ZNF175: variants seen among roughly 807,000 people sequenced by gnomAD.
The protein encoded by ZNF175 is zinc finger protein 175, also known as zinc finger protein OTK18.
ZNF175 carries 8 observed loss-of-function variants against 14.0 expected under a neutral mutation model. The ratio of observed to expected loss-of-function variants is 0.57; its 90% CI spans 0.34 to 1.03. The LOEUF (loss-of-function observed/expected upper bound fraction) is 1.03. ZNF175 is among the 50% of genes least tolerant of loss of function. The probability of loss-of-function intolerance (pLI) is 0.03; values close to 1 mark genes in which losing one functional copy is unlikely to be tolerated. For missense variants in ZNF175, 764 were observed against 849.5 expected (o/e 0.90, Z 1.25); for synonymous variants, 255 against 296.8 (o/e 0.86, Z 1.45).
At position 51,586,688 on chromosome 19, in the gene ZNF175, G is replaced by T. The variant is rs1230352141; in HGVS notation, c.357G>T (p.Lys119Asn). ...TTTCTAAGAAAGCTTCATTTCAAAA[G>T]GATATGGTAGGTGAGTTCACAAGAG... ...KEISKKASFQ[K>N]DMVGEFTRDG... Residue 119 changes from lysine to asparagine, a missense_variant, in exon 5 of 5, where the codon AAG (lysine) becomes AAT (asparagine). Lys to Asn is a moderately conservative substitution (Grantham distance 94). Coordinates refer to ENST00000262259, the MANE Select transcript of ZNF175 (RefSeq NM_007147.4). 1 of 1,612,452 alleles carries T rather than the reference G, an allele frequency of 6.2e-7. No homozygotes were observed. Among genetic ancestry groups the T allele is most frequent in the South Asian group, 1.1e-5 (1 of 90,530 alleles).
chr19:51,588,097 G>T lies in ZNF175; in HGVS notation c.1766G>T (p.Cys589Phe). ...CACACGGGTGAGAAACCCTATGTGT[G>T]CACTGAATGTGGGAAGGCCTTCAAC... ...RIHTGEKPYV[C>F]TECGKAFNGR... The change falls in exon 5 of 5, where the codon TGC (cysteine) becomes TTC (phenylalanine). Residue 589 changes from cysteine to phenylalanine, a missense_variant. Physicochemically the swap from Cys to Phe is radical, Grantham distance 205. Coordinates refer to ENST00000262259, the MANE Select transcript of ZNF175 (RefSeq NM_007147.4). 6.2e-7 allele frequency: 1 copy of T among 1,614,248 alleles called. No homozygotes were observed. The highest frequency in any genetic ancestry group is 1.1e-5 in the South Asian group (1 of 91,082).
chr19:51,591,821 T>C lies in ZNF175; in HGVS notation c.*3354T>C, dbSNP rs1008275970. ...TCGCTCTGTCGCCCAGGCTCTGGAG[T>C]GCAGTGGCACGATCTCAGCTCACTG... is the stretch of plus-strand genomic sequence containing the variant. On this transcript the variant is annotated 3_prime_UTR_variant, in exon 5 of 5. Coordinates refer to ENST00000262259, the MANE Select transcript of ZNF175 (RefSeq NM_007147.4). 2 of 149,920 alleles carry C rather than the reference T, an allele frequency of 1.3e-5. No individual in the cohort carries two copies. Among genetic ancestry groups the C allele is most frequent in the African/African-American group, 4.9e-5 (2 of 40,434 alleles). The allele number at this position is 149,920 out of a possible 1,614,324, so 9.3% of individuals were successfully genotyped here.
At chr19:51,573,579 C>G (rs1981669556) in intron 2 of ZNF175, 178 bp downstream of exon 2, 1 of 605,790 alleles carries the variant, frequency 1.7e-6, no homozygotes, top group Non-Finnish European at 2.8e-6. Context: ...CATGAACTGG[C>G]TGATAAAAGA....
At chr19:51,582,589 A>G (rs967441332) in intron 4 of ZNF175, among the ~76,000 whole-genome samples, 1 of 151,848 alleles carries the variant, frequency 6.6e-6, no homozygotes, top group Non-Finnish European at 1.5e-5. Context: ...GAGCCACCGC[A>G]CCCAGCCTGT....
intron 2 of ZNF175, among the ~76,000 whole-genome samples, chr19:51,578,257 A>T (rs1445115110): frequency 6.6e-6 from 1 of 151,816 alleles, no homozygotes; most frequent in Non-Finnish European, 1.5e-5. Context: ...AAAATTAGCC[A>T]GGCATGGTGG....
At chr19:51,578,598 T>C (rs1485695686) in intron 2 of ZNF175, among the ~76,000 whole-genome samples, 1 of 152,040 alleles carries the variant, frequency 6.6e-6, no homozygotes, top group Non-Finnish European at 1.5e-5. Flanking sequence ...GGAGACCCCA[T>C]CTTTACAAAA....
Position 51,588,311 on chromosome 19 carries a change from G to A in ZNF175, c.1980G>A (p.Val660=). Residue 660 remains valine, a synonymous_variant, in exon 5 of 5, where the codon GTG becomes GTA. Transcript: ENST00000262259. ...TCAGTAAGAAACCACAACTCAAGGT[G>A]CATCAGCGAATTCACACGGGAGAAA... ...KSFSKKPQLK[V]HQRIHTGERP... 3 of 1,614,176 alleles carry A rather than the reference G, an allele frequency of 1.9e-6. No individual in the cohort carries two copies. Among genetic ancestry groups the A allele is most frequent in the Non-Finnish European group, 2.5e-6 (3 of 1,180,016 alleles).
chr19:51,589,884 A>C lies in ZNF175; in HGVS notation c.*1417A>C, dbSNP rs74622204. On this transcript the variant is annotated 3_prime_UTR_variant, in exon 5 of 5. Transcript: ENST00000262259. ...TTTGCCAGCACATGATACACACACA[A>C]ACACACACACATACACACATATTAC... is the stretch of plus-strand genomic sequence containing the variant. 4.2e-6 allele frequency: 2 copies of C among 475,224 alleles called. No homozygotes were observed. The highest frequency in any genetic ancestry group is 6.7e-5 in the East Asian group (2 of 29,772). 29.4% of individuals were successfully genotyped at this position (475,224 alleles called of 1,614,324 possible). A position where few individuals can be genotyped will look rare whatever the true frequency, so the allele number is the denominator to read the frequency against.
Position 51,587,159 on chromosome 19 carries a change from GA to G in ZNF175, c.831del (p.Lys277AsnfsTer27). On this transcript the variant is annotated frameshift_variant, in exon 5 of 5. Coordinates refer to ENST00000262259, the MANE Select transcript of ZNF175 (RefSeq NM_007147.4). LOFTEE classifies it low-confidence loss of function (END_TRUNC). ...LKQHQIHTQK[K>X]PDGCSECGGS... ...AGCAACATCAAATTCATACTCAGAA[GA>G]AACCAGATGGATGTTCTGAATGTGG... 6.2e-7 allele frequency: 1 copy of G among 1,614,184 alleles called. No individual in the cohort carries two copies. The highest frequency in any genetic ancestry group is 8.5e-7 in the Non-Finnish European group (1 of 1,180,012).
rs1364719835 is a variant in ZNF175, at chr19:51,581,847, T to C, written c.260T>C (p.Val87Ala). 6.2e-7 allele frequency: 1 copy of C among 1,613,858 alleles called. No individual in the cohort carries two copies. The highest frequency in any genetic ancestry group is 1.1e-5 in the South Asian group (1 of 91,046). The change falls in exon 4 of 5, where the codon GTG becomes GCG. Residue 87 changes from valine (V) to alanine (A), a missense_variant. Coordinates refer to ENST00000262259, the MANE Select transcript of ZNF175 (RefSeq NM_007147.4). The stretch of plus-strand genomic sequence containing the variant: ...ATGCTAAAAGAAAAGGAGCCGCGTG[T>C]GGAGGAGGCTGAAGTCTCACATCAG... ...FRMLKEKEPRVEEAEVSHQRC... is the reference protein window; with the variant it reads ...FRMLKEKEPRAEEAEVSHQRC...
At chr19:51,581,279 C>T (rs966293571) in intron 2 of ZNF175, 112 bp from the exon 3 acceptor site, 5 of 1,472,570 alleles carry the variant, frequency 3.4e-6, no homozygotes, top group Admixed American at 1.9e-5. Flanking sequence ...TGGTGGGAAG[C>T]CTCTGTGATG....
At chr19:51,581,189 T>C (rs1428809272) in intron 2 of ZNF175, among the ~76,000 whole-genome samples, 1 of 151,892 alleles carries the variant, frequency 6.6e-6, no homozygotes, top group African/African-American at 2.4e-5. Context: ...AAAAAATGAA[T>C]GAATGAATGT....
Position 51,590,225 on chromosome 19 carries a change from TC to T in ZNF175, c.*1759del, listed in dbSNP as rs1439390233. The T allele has an allele frequency of 6.6e-6, 1 of 152,582 alleles. No individual in the cohort carries two copies. Among genetic ancestry groups the T allele is most frequent in the African/African-American group, 2.4e-5 (1 of 41,458 alleles). 9.5% of individuals were successfully genotyped at this position (152,582 alleles called of 1,614,324 possible). On this transcript the variant is annotated 3_prime_UTR_variant, in exon 5 of 5. Coordinates refer to ENST00000262259, the MANE Select transcript of ZNF175 (RefSeq NM_007147.4). ...TCCTGCATTTGATTCCTGGCTCCAC[TC>T]TCTACCCTCTGCATCTGCTGAGCAA... is the stretch of plus-strand genomic sequence containing the variant.
chr19:51,579,512 G>C (rs1981927184), intron 2 of ZNF175, among the ~76,000 whole-genome samples: 1 of 152,042 alleles, frequency 6.6e-6, no homozygotes, highest in African/African-American at 2.4e-5. Context: ...GGTAAACATG[G>C]GAAGATGCTC....
In ZNF175 at chr19:51,586,519, T is replaced by G. The variant is rs1982166635; in HGVS notation, c.296-108T>G. On this transcript the variant is annotated intron_variant, in intron 4 of 4. Coordinates refer to ENST00000262259, the MANE Select transcript of ZNF175 (RefSeq NM_007147.4). ...CTCATTGTCAGCATCATTAGCAGCATTATTACATGACTCAGCAATTTCCTT... is the reference window on the plus strand; with the variant it reads ...CTCATTGTCAGCATCATTAGCAGCAGTATTACATGACTCAGCAATTTCCTT... The G allele has an allele frequency of 2.8e-6, 3 of 1,083,368 alleles. No homozygotes were observed. In the East Asian group the frequency reaches 7.6e-5, roughly 27 times the overall value. 67.1% of individuals were successfully genotyped at this position (1,083,368 alleles called of 1,614,324 possible). A position where few individuals can be genotyped will look rare whatever the true frequency, so the allele number is the denominator to read the frequency against.
Position 51,586,972 on chromosome 19 carries a change from A to G in ZNF175, c.641A>G (p.Gln214Arg). 1 of 1,614,242 alleles carries G rather than the reference A, an allele frequency of 6.2e-7. No homozygotes were observed. Among genetic ancestry groups the G allele is most frequent in the Non-Finnish European group, 8.5e-7 (1 of 1,180,030 alleles). ...AAGCTGAACCTAGAAGTGAACGGTC[A>G]GAATGAAAGCAATGACACAGAACAG... ...SLKLNLEVNG[Q>R]NESNDTEQLD... is the part of the protein sequence containing the mutation. Residue 214 changes from glutamine to arginine, a missense_variant, in exon 5 of 5, where the codon CAG (glutamine) becomes CGG (arginine). Coordinates refer to ENST00000262259, the MANE Select transcript of ZNF175 (RefSeq NM_007147.4).
At chr19:51,572,741 C>A (rs1374062867) in intron 1 of ZNF175, among the ~76,000 whole-genome samples, 3 of 152,170 alleles carry the variant, frequency 2.0e-5, no homozygotes, top group Non-Finnish European at 2.9e-5. Context: ...TTATCCTCAT[C>A]CTCAAAATGG....
At position 51,571,331 on chromosome 19, in the gene ZNF175, T is replaced by G. The variant is rs948413884; in HGVS notation, c.-325T>G. ...GTGGATCTAAGCCTATGTCGCTTAC[T>G]GGACGCTGAAGTGATTGGGAATATT... On this transcript the variant is annotated 5_prime_UTR_variant, in exon 1 of 5. Transcript: ENST00000262259. 2 of 149,176 alleles carry G rather than the reference T, an allele frequency of 1.3e-5. No homozygotes were observed. Among genetic ancestry groups the G allele is most frequent in the Non-Finnish European group, 3.0e-5 (2 of 67,780 alleles). 9.2% of individuals were successfully genotyped at this position (149,176 alleles called of 1,614,324 possible). A position where few individuals can be genotyped will look rare whatever the true frequency, so the allele number is the denominator to read the frequency against.
At chr19:51,583,285 C>A (rs1185015424) in intron 4 of ZNF175, among the ~76,000 whole-genome samples, 1 of 152,138 alleles carries the variant, frequency 6.6e-6, no homozygotes, top group Non-Finnish European at 1.5e-5. Context: ...GTTCTGCTAC[C>A]TTACTTAGCT....
Sources: allele counts gnomAD v4.1 joint callset (sites outside exome capture counted in the v4.1 genomes callset), GRCh38; gene constraint gnomAD v4.1.1; transcripts MANE v1.5; gene names NCBI Gene and HGNC (gene_info 2026-07-23, HGNC 2026-07-21).